Variants in NALF1 observed in about 807,000 individuals in gnomAD.
NALF1 encodes the protein NALCN channel auxiliary factor 1, also known as family with sequence similarity 155 member A.
NALF1 carries 3 observed loss-of-function variants against 48.4 expected under a neutral mutation model. The observed-to-expected ratio is 0.06, with a 90% CI of 0.03 to 0.16. NALF1 has a LOEUF of 0.16. Ranked by LOEUF, NALF1 falls within the 10% of genes least tolerant of loss-of-function variation. The pLI is 1.00. For missense variants in NALF1, 526 were observed against 571.5 expected, an observed-to-expected ratio of 0.92 and a Z score of 0.81; for synonymous variants, 262 against 245.7, an observed-to-expected ratio of 1.07 and a Z score of -0.62.
intron 1 of NALF1, among the ~76,000 whole-genome samples, chr13:107,316,073 G>A (rs568947444): frequency 6.6e-5 from 10 of 151,922 alleles, no homozygotes; most frequent in African/African-American, 2.4e-4. Context: ...ACAGTCCCCA[G>A]TGTGTGATGT....
intron 1 of NALF1, among the ~76,000 whole-genome samples, chr13:107,560,468 T>C (rs527651674): frequency 1.3e-5 from 2 of 152,294 alleles, no homozygotes; most frequent in East Asian, 1.9e-4. Flanking sequence ...TCACTCCAAA[T>C]GTAAATATAT....
intron 1 of NALF1, among the ~76,000 whole-genome samples, chr13:107,794,991 A>G (rs1431006633): frequency 2.0e-5 from 3 of 152,222 alleles, no homozygotes; most frequent in Admixed American, 6.5e-5. Flanking sequence ...GAGGACAAAA[A>G]GAAAAAAATA....
chr13:107,769,059 TGGAGAAATA>T (rs1179103906), intron 1 of NALF1, among the ~76,000 whole-genome samples: 1 of 150,378 alleles, frequency 6.6e-6, no homozygotes, highest in East Asian at 2.0e-4. Context: ...GGAGAGGATG[TGGAGAAATA>T]GGAACACTTT....
chr13:107,337,197 T>C (rs1882577540), intron 1 of NALF1, among the ~76,000 whole-genome samples: 1 of 152,070 alleles, frequency 6.6e-6, no homozygotes, highest in Non-Finnish European at 1.5e-5. Flanking sequence ...AACTGGTTTT[T>C]AAAAAGGTCT....
intron 1 of NALF1, among the ~76,000 whole-genome samples, chr13:107,444,283 T>C (rs1444581214): frequency 6.6e-6 from 1 of 152,188 alleles, no homozygotes; most frequent in African/African-American, 2.4e-5. Context: ...AAAAAAGCTA[T>C]GTAGAGCAGT....
chr13:107,500,730 T>G, intron 1 of NALF1, among the ~76,000 whole-genome samples: 1 of 150,930 alleles, frequency 6.6e-6, no homozygotes, highest in Non-Finnish European at 1.5e-5. Context: ...ATACACTGGA[T>G]TAAGAAAATG....
intron 1 of NALF1, among the ~76,000 whole-genome samples, chr13:107,370,103 C>A (rs9520408): frequency 0.56 from 85,140 of 151,968 alleles, 24,225 homozygotes; most frequent in East Asian, 0.73. Flanking sequence ...ACCTGAGGCA[C>A]AGAAAGTGCA....
At chr13:107,433,129 G>T (rs560789930) in intron 1 of NALF1, among the ~76,000 whole-genome samples, 56 of 152,136 alleles carry the variant, frequency 3.7e-4, no homozygotes, top group African/African-American at 1.3e-3. Flanking sequence ...TACCTTTAAG[G>T]AGGCATCTTA....
chr13:107,646,826 GT>G (rs1274726534), intron 1 of NALF1, among the ~76,000 whole-genome samples: 2 of 152,004 alleles, frequency 1.3e-5, no homozygotes, highest in Non-Finnish European at 2.9e-5. Context: ...GAATTCATTA[GT>G]TTAAATCAGA....
At chr13:107,210,518 AC>A (rs1879738969) in intron 2 of NALF1, 65 bp downstream of exon 2, 1 of 1,141,206 alleles carries the variant, frequency 8.8e-7, no homozygotes, top group Non-Finnish European at 1.3e-6. Context: ...AGCAAAGCAA[AC>A]AAACATCACA....
chr13:107,635,304 G>C lies in NALF1; in HGVS notation c.915+230378C>G, dbSNP rs547813447. ...AGGCCTCAGGAAACTTACAGTCATG[G>C]CAGAAGGGGCAGCAAACATGTCCTT... On this transcript the variant is annotated intron_variant, in intron 1 of 2. Coordinates refer to ENST00000375915, the MANE Select transcript of NALF1 (RefSeq NM_001080396.3). 1.3e-3 allele frequency among the ~76,000 whole-genome samples: 197 copies of C among 152,178 alleles called. 1 individual carries two copies. Among genetic ancestry groups the C allele is most frequent in the South Asian group, 2.7e-3 (13 of 4,824 alleles).
At chr13:107,253,653 T>C (rs957157076) in intron 1 of NALF1, among the ~76,000 whole-genome samples, 1 of 152,318 alleles carries the variant, frequency 6.6e-6, no homozygotes, top group African/African-American at 2.4e-5. Context: ...CTCCTGCCTA[T>C]TTATCTAACT....
chr13:107,483,930 G>T (rs1885290074), intron 1 of NALF1, among the ~76,000 whole-genome samples: 1 of 151,914 alleles, frequency 6.6e-6, no homozygotes, highest in Non-Finnish European at 1.5e-5. Flanking sequence ...AATTTTGTAA[G>T]ATTCACATAA....
chr13:107,266,617 A>G (rs1231660977), intron 1 of NALF1, among the ~76,000 whole-genome samples: 2 of 152,226 alleles, frequency 1.3e-5, no homozygotes, highest in Non-Finnish European at 2.9e-5. Flanking sequence ...ATACACAAAC[A>G]TAAATACTTA....
intron 1 of NALF1, among the ~76,000 whole-genome samples, chr13:107,409,539 G>A (rs998366241): frequency 3.3e-5 from 5 of 152,120 alleles, no homozygotes; most frequent in Admixed American, 2.0e-4. Context: ...AAATCAGTGT[G>A]GGACAAGATC....
rs72650536 is a variant in NALF1 at position 107,321,866 on chromosome 13, A to G, written c.916-111111T>C. Among the ~76,000 whole-genome samples, 374 of 152,158 alleles carry G rather than the reference A, an allele frequency of 2.5e-3. 1 individual carries two copies. Among genetic ancestry groups the G allele is most frequent in the Non-Finnish European group, 4.4e-3 (299 of 67,974 alleles). On this transcript the variant is annotated intron_variant, in intron 1 of 2. Coordinates refer to ENST00000375915, the MANE Select transcript of NALF1 (RefSeq NM_001080396.3). ...CCTTGTTTAAAATAAGAATTCCAAA[A>G]CCTAAAAAAACGGTATATATTTCAT...
chr13:107,174,363 A>ATTTT (rs376258353), intron 2 of NALF1, among the ~76,000 whole-genome samples: 5 of 144,254 alleles, frequency 3.5e-5, no homozygotes, highest in Admixed American at 2.1e-4. Context: ...TTATTTATTT[A>ATTTT]TTTTTTTTTT....
intron 1 of NALF1, among the ~76,000 whole-genome samples, chr13:107,230,751 T>C (rs567628724): frequency 3.3e-5 from 5 of 151,960 alleles, no homozygotes; most frequent in African/African-American, 9.7e-5. Context: ...GGGGACACTT[T>C]GATAAACATT....
At chr13:107,291,951 T>C (rs1355832969) in intron 1 of NALF1, among the ~76,000 whole-genome samples, 1 of 152,202 alleles carries the variant, frequency 6.6e-6, no homozygotes, top group Non-Finnish European at 1.5e-5. Context: ...CACTGAAATG[T>C]ATAAGTGACA....
Sources: allele counts gnomAD v4.1 joint callset (sites outside exome capture counted in the v4.1 genomes callset), GRCh38; gene constraint gnomAD v4.1.1; transcripts MANE v1.5; gene names NCBI Gene and HGNC (gene_info 2026-07-23, HGNC 2026-07-21).